The following SVOPL variants were observed in gnomAD, a reference collection of about 807,000 sequenced individuals.
The protein encoded by SVOPL is putative transporter SVOPL.
Under a neutral mutation model 61.0 loss-of-function variants are expected in SVOPL, and 60 were observed. That is an observed-to-expected ratio of 0.98 (90% CI 0.80 to 1.22). SVOPL has a LOEUF of 1.22. Among genes scored for constraint, SVOPL ranks in the 50% most tolerant of loss-of-function variants. The pLI is 0.00. For missense variants in SVOPL, 662 were observed against 643.9 expected, an observed-to-expected ratio of 1.03 and a Z score of -0.30; for synonymous variants, 279 against 250.0, an observed-to-expected ratio of 1.12 and a Z score of -1.09.
intron 1 of SVOPL, chr7:138,689,517 C>A: frequency 1.3e-5 from 8 of 639,124 alleles, no homozygotes; most frequent in Admixed American, 2.4e-5. Flanking sequence ...ACTTATGACA[C>A]GAGAGTAAAT....
chr7:138,640,397 A>G (rs1800725205), intron 9 of SVOPL, among the ~76,000 whole-genome samples: 1 of 151,832 alleles, frequency 6.6e-6, no homozygotes, highest in Non-Finnish European at 1.5e-5. Flanking sequence ...ATGCCTGGCT[A>G]ATTTTATATT....
intron 4 of SVOPL, among the ~76,000 whole-genome samples, chr7:138,666,058 C>T (rs1802250801): frequency 6.6e-6 from 1 of 152,226 alleles, no homozygotes; most frequent in South Asian, 2.1e-4. Context: ...AAGAACAATA[C>T]CCAGCCTGTT....
chr7:138,620,074 G>A (rs570259669), intron 14 of SVOPL, among the ~76,000 whole-genome samples: 2 of 151,108 alleles, frequency 1.3e-5, no homozygotes, highest in Non-Finnish European at 2.9e-5. Flanking sequence ...GCTACAGCCA[G>A]GTCATGTGGA....
chr7:138,603,515 C>T (rs1444747841), intron 14 of SVOPL, among the ~76,000 whole-genome samples: 1 of 152,128 alleles, frequency 6.6e-6, no homozygotes, highest in Non-Finnish European at 1.5e-5. Flanking sequence ...GAAACCCCTT[C>T]TCTACTAATA....
At chr7:138,690,629 G>A (rs1802919107) in intron 1 of SVOPL, among the ~76,000 whole-genome samples, 1 of 152,156 alleles carries the variant, frequency 6.6e-6, no homozygotes, top group African/African-American at 2.4e-5. Context: ...GTTGCGGGGG[G>A]AGGAGGAGAG....
chr7:138,654,960 G>A (rs117118791), intron 7 of SVOPL, among the ~76,000 whole-genome samples: 3,676 of 151,470 alleles, frequency 0.024, 186 homozygotes, highest in East Asian at 0.22. Context: ...GGAGGCCAAG[G>A]CGGGCAGATT....
chr7:138,660,338 A>G (rs912281760), intron 5 of SVOPL: 1 of 1,019,502 alleles, frequency 9.8e-7, no homozygotes, highest in Non-Finnish European at 1.2e-6. Flanking sequence ...GAGGAGTACA[A>G]GGAGAACATT....
intron 9 of SVOPL, among the ~76,000 whole-genome samples, chr7:138,637,573 C>T (rs1800560644): frequency 6.6e-6 from 1 of 151,760 alleles, no homozygotes; most frequent in Non-Finnish European, 1.5e-5. Flanking sequence ...ACTGGTTAGT[C>T]ATGTGGATAT....
intron 3 of SVOPL, among the ~76,000 whole-genome samples, chr7:138,675,619 G>T (rs866297907): frequency 3.9e-5 from 6 of 152,030 alleles, no homozygotes; most frequent in African/African-American, 1.4e-4. Flanking sequence ...GCCTCCCAAA[G>T]TGCTGGGATT....
At chr7:138,660,558 A>C (rs1176077456) in intron 5 of SVOPL, 1 of 985,802 alleles carries the variant, frequency 1.0e-6, no homozygotes, top group African/African-American at 1.7e-5. Context: ...ACTTTCATAC[A>C]TGTAATATAA....
chr7:138,600,857 T>C (rs531452823), intron 14 of SVOPL, among the ~76,000 whole-genome samples: 71 of 152,164 alleles, frequency 4.7e-4, no homozygotes, highest in Non-Finnish European at 7.5e-4. Flanking sequence ...GGAAACTGAC[T>C]GTCAGTGGTA....
intron 1 of SVOPL, chr7:138,689,147 G>A (rs1452305860): frequency 3.3e-6 from 3 of 911,052 alleles, no homozygotes; most frequent in Non-Finnish European, 5.5e-6. Flanking sequence ...TACAGAAATA[G>A]TGCGTACCAT....
chr7:138,619,561 TAAAAAAAAAAA>T (rs11440977), intron 14 of SVOPL, among the ~76,000 whole-genome samples: 9 of 60,302 alleles, frequency 1.5e-4, no homozygotes, highest in East Asian at 7.9e-4. Flanking sequence ...TCTCAGATGT[TAAAAAAAAAAA>T]AAAAAAAAAA....
intron 9 of SVOPL, among the ~76,000 whole-genome samples, chr7:138,641,468 T>C (rs1254741332): frequency 6.6e-6 from 1 of 151,718 alleles, no homozygotes; most frequent in Non-Finnish European, 1.5e-5. Flanking sequence ...GTCAGGAGTT[T>C]GAGACCAGCC....
intron 9 of SVOPL, among the ~76,000 whole-genome samples, chr7:138,637,912 AC>A (rs1727584751): frequency 1.3e-5 from 2 of 152,172 alleles, no homozygotes; most frequent in Admixed American, 1.3e-4. Flanking sequence ...AGATCGTGCC[AC>A]TGCACTCCAG....
chr7:138,696,071 C>T (rs956753211), intron 1 of SVOPL, among the ~76,000 whole-genome samples: 1 of 152,010 alleles, frequency 6.6e-6, no homozygotes, highest in African/African-American at 2.4e-5. Flanking sequence ...CGTGGGCCAC[C>T]GCACCCAGCC....
intron 9 of SVOPL, among the ~76,000 whole-genome samples, chr7:138,633,134 T>C (rs990501355): frequency 4.6e-5 from 7 of 152,210 alleles, no homozygotes; most frequent in Non-Finnish European, 7.3e-5. Flanking sequence ...GCTGTTATAG[T>C]AGCTTTCTGA....
chr7:138,627,545 C>T (rs949073165), intron 11 of SVOPL, 84 bp from the exon 12 acceptor site: 37 of 1,034,994 alleles, frequency 3.6e-5, no homozygotes, highest in African/African-American at 1.1e-4. Flanking sequence ...TCATCCTTGT[C>T]GTTTCAGAAA....
At chr7:138,678,873 T>G in intron 2 of SVOPL, 91 bp downstream of exon 2, 1 of 1,336,814 alleles carries the variant, frequency 7.5e-7, no homozygotes, top group South Asian at 1.4e-5. Flanking sequence ...CCTGGCTGCT[T>G]CTTTTGACCT....
Sources: gnomAD v4.1 joint callset for allele counts (sites outside exome capture counted in the v4.1 genomes callset) on GRCh38, gnomAD v4.1.1 for gene constraint, MANE v1.5 for transcripts, NCBI Gene and HGNC (gene_info 2026-07-23, HGNC 2026-07-21) for gene names.